ARHGAP15: variants seen among roughly 807,000 people sequenced by gnomAD.
ARHGAP15 encodes rho GTPase-activating protein 15.
ARHGAP15 carries 51 observed loss-of-function variants against 63.7 expected under a neutral mutation model. That is an observed-to-expected ratio of 0.80 (90% CI 0.64 to 1.01). ARHGAP15 has a LOEUF of 1.01. Among genes scored for constraint, ARHGAP15 ranks in the 50% least tolerant of loss-of-function variants. The probability of loss-of-function intolerance (pLI) is 0.00; values close to 1 mark genes in which losing one functional copy is unlikely to be tolerated. For missense variants in ARHGAP15, 560 were observed against 564.6 expected (o/e 0.99, Z 0.08); for synonymous variants, 191 against 193.8 (o/e 0.99, Z 0.12).
intron 12 of ARHGAP15, among the ~76,000 whole-genome samples, chr2:143,688,807 G>A (rs1055636522): frequency 6.6e-6 from 1 of 152,140 alleles, no homozygotes; most frequent in Admixed American, 6.6e-5. Flanking sequence ...AGTGAGAAAA[G>A]TGTTAGGAAA....
chr2:143,581,319 G>C (rs1234743757), intron 11 of ARHGAP15, among the ~76,000 whole-genome samples: 3 of 152,066 alleles, frequency 2.0e-5, no homozygotes, highest in African/African-American at 7.2e-5. Flanking sequence ...GTGCCAGCTG[G>C]TACATGGCTA....
chr2:143,294,918 T>A (rs1558872543), intron 6 of ARHGAP15, among the ~76,000 whole-genome samples: 1 of 152,094 alleles, frequency 6.6e-6, no homozygotes, highest in Non-Finnish European at 1.5e-5. Flanking sequence ...AATGTAATCA[T>A]AACAAAATAA....
chr2:143,460,892 A>G (rs1690899919), intron 8 of ARHGAP15, among the ~76,000 whole-genome samples: 1 of 152,194 alleles, frequency 6.6e-6, no homozygotes, highest in South Asian at 2.1e-4. Flanking sequence ...TAGAATGTAA[A>G]TAACATACCC....
intron 9 of ARHGAP15, among the ~76,000 whole-genome samples, chr2:143,503,313 T>G (rs775116092): frequency 6.6e-5 from 10 of 152,152 alleles, no homozygotes; most frequent in South Asian, 2.1e-4. Flanking sequence ...AAGTCATAAG[T>G]TGTAGTGAAA....
rs1691402344 is a variant in ARHGAP15, at chr2:143,185,441, A to G, written c.166-16693A>G. On this transcript the variant is annotated intron_variant, in intron 2 of 13. Coordinates refer to ENST00000295095, the MANE Select transcript of ARHGAP15 (RefSeq NM_018460.4). ...TTTAATCTCTGATTGTGCTGGGACC[A>G]GGTCATAATCACATGGAAGTTTCCT... Among the ~76,000 whole-genome samples the G allele has an allele frequency of 3.3e-5, 5 of 152,292 alleles. No individual in the cohort carries two copies. In the South Asian group the frequency reaches 1.0e-3, roughly 32 times the overall value.
At chr2:143,521,251 G>A (rs1039299045) in intron 10 of ARHGAP15, among the ~76,000 whole-genome samples, 31 of 152,138 alleles carry the variant, frequency 2.0e-4, no homozygotes, top group African/African-American at 6.8e-4. Context: ...GGCAGCATCA[G>A]CTTAAAGGAA....
At chr2:143,642,225 C>T (rs1680638211) in intron 12 of ARHGAP15, among the ~76,000 whole-genome samples, 1 of 151,866 alleles carries the variant, frequency 6.6e-6, no homozygotes. Flanking sequence ...TTCCTGTGTT[C>T]TGCAAGTTTC....
intron 6 of ARHGAP15, among the ~76,000 whole-genome samples, chr2:143,407,767 G>A (rs913849914): frequency 6.6e-6 from 1 of 150,652 alleles, no homozygotes; most frequent in African/African-American, 2.4e-5. Context: ...TTTAATTTTT[G>A]GTATAATTTT....
chr2:143,509,391 G>A (rs763659366), intron 9 of ARHGAP15, among the ~76,000 whole-genome samples: 36 of 150,708 alleles, frequency 2.4e-4, no homozygotes, highest in Admixed American at 9.2e-4. Context: ...AGTGCATGTC[G>A]TAGATTCAGC....
intron 10 of ARHGAP15, among the ~76,000 whole-genome samples, chr2:143,548,474 A>AT (rs1695421679): frequency 6.6e-6 from 1 of 151,892 alleles, no homozygotes; most frequent in Non-Finnish European, 1.5e-5. Flanking sequence ...ATAATTGCTC[A>AT]TTTTTTAGTA....
At chr2:143,497,395 A>G (rs1415721439) in intron 9 of ARHGAP15, among the ~76,000 whole-genome samples, 3 of 152,078 alleles carry the variant, frequency 2.0e-5, no homozygotes, top group African/African-American at 7.2e-5. Flanking sequence ...CCTCTGTGAA[A>G]CCACCTGATG....
chr2:143,735,798 C>T (rs764010086), intron 13 of ARHGAP15, among the ~76,000 whole-genome samples: 4 of 152,130 alleles, frequency 2.6e-5, no homozygotes, highest in Non-Finnish European at 5.9e-5. Context: ...AGTATAACTA[C>T]AATATTTTTT....
chr2:143,184,454 A>G (rs1691360346), intron 2 of ARHGAP15, among the ~76,000 whole-genome samples: 1 of 152,198 alleles, frequency 6.6e-6, no homozygotes, highest in Non-Finnish European at 1.5e-5. Context: ...GAAGAGTCCA[A>G]TAGTAAAAGG....
intron 1 of ARHGAP15, among the ~76,000 whole-genome samples, chr2:143,133,886 T>G (rs942040655): frequency 5.3e-5 from 8 of 152,156 alleles, no homozygotes; most frequent in Non-Finnish European, 1.0e-4. Flanking sequence ...ATAACATAAC[T>G]GCACGCACCT....
intron 6 of ARHGAP15, among the ~76,000 whole-genome samples, chr2:143,281,851 T>C (rs1681867080): frequency 6.6e-6 from 1 of 152,194 alleles, no homozygotes. Flanking sequence ...TTTTTATGCT[T>C]TTTGATTGCT....
intron 6 of ARHGAP15, among the ~76,000 whole-genome samples, chr2:143,300,161 C>T (rs1682830476): frequency 6.6e-6 from 1 of 151,894 alleles, no homozygotes; most frequent in African/African-American, 2.4e-5. Flanking sequence ...TGTGATTAAC[C>T]TGATACCTAT....
chr2:143,282,530 G>A (rs933226719), intron 6 of ARHGAP15, among the ~76,000 whole-genome samples: 3 of 151,886 alleles, frequency 2.0e-5, no homozygotes, highest in Admixed American at 6.6e-5. Flanking sequence ...TGAGACATGC[G>A]CAGAACAGCA....
chr2:143,305,860 T>C (rs1199354746), intron 6 of ARHGAP15, among the ~76,000 whole-genome samples: 1 of 152,052 alleles, frequency 6.6e-6, no homozygotes, highest in Non-Finnish European at 1.5e-5. Flanking sequence ...TTAAGGGTAA[T>C]TTAAAATATA....
In ARHGAP15 at chr2:143,206,028, CG is replaced by C. The variant is rs199591460; in HGVS notation, c.234+3827del. On this transcript the variant is annotated intron_variant, in intron 3 of 13. Coordinates refer to ENST00000295095, the MANE Select transcript of ARHGAP15 (RefSeq NM_018460.4). ...CTACAGCATCATGGTCCCCAATTTACGTTATTTATTATCCTCTCTCAAACAC... is the reference window on the plus strand; with the variant it reads ...CTACAGCATCATGGTCCCCAATTTACTTATTTATTATCCTCTCTCAAACAC... 1.2e-3 allele frequency among the ~76,000 whole-genome samples: 190 copies of C among 152,102 alleles called. 1 individual carries two copies. In the East Asian group the frequency reaches 0.031, roughly 24 times the overall value.
Sources: gnomAD v4.1 joint callset for allele counts (sites outside exome capture counted in the v4.1 genomes callset) on GRCh38, gnomAD v4.1.1 for gene constraint, MANE v1.5 for transcripts, NCBI Gene and HGNC (gene_info 2026-07-23, HGNC 2026-07-21) for gene names.